APBA1: variants seen among roughly 807,000 people sequenced by gnomAD.
APBA1 encodes the protein amyloid beta precursor protein binding family A member 1, also known as amyloid-beta A4 precursor protein-binding family A member 1.
Under a neutral mutation model 86.6 loss-of-function variants are expected in APBA1, and 55 were observed. The observed-to-expected ratio is 0.64, with a 90% CI of 0.51 to 0.80. APBA1 has a LOEUF of 0.80. APBA1 is among the 30% of genes least tolerant of loss of function. The probability of loss-of-function intolerance (pLI) is 0.00; values close to 1 mark genes in which losing one functional copy is unlikely to be tolerated. For missense variants in APBA1, 1,090 were observed against 1,183.0 expected, an observed-to-expected ratio of 0.92 and a Z score of 1.15; for synonymous variants, 511 against 493.9, an observed-to-expected ratio of 1.03 and a Z score of -0.46.
At chr9:69,540,575 C>T (rs1296842038) in intron 1 of APBA1, among the ~76,000 whole-genome samples, 1 of 152,132 alleles carries the variant, frequency 6.6e-6, no homozygotes. Flanking sequence ...CTACTCTCTG[C>T]TTAGGTACAT....
Position 69,516,492 on chromosome 9 carries a change from TCGTCGTAATGGTGCAGCCGCGCG to T in APBA1, c.696_718del (p.Arg234LeufsTer54). 1 of 1,599,188 alleles carries T rather than the reference TCGTCGTAATGGTGCAGCCGCGCG, an allele frequency of 6.3e-7. No homozygotes were observed. The highest frequency in any genetic ancestry group is 8.5e-7 in the Non-Finnish European group (1 of 1,178,190). On this transcript the variant is annotated frameshift_variant, in exon 2 of 13. Transcript: ENST00000265381. LOFTEE classifies it high-confidence loss of function. This position sits in a 1 kb window ranked among gnomAD's most constrained non-coding sequence, Gnocchi z 7.3. ...GCTGTCGGACTCGCCGTCGGAGCGC[TCGTCGTAATGGTGCAGCCGCGCG>T]CCCAGGGCCTCCTGGCGGTACGCGG...
chr9:69,456,996 C>T, intron 7 of APBA1, 57 bp downstream of exon 7: 1 of 1,428,942 alleles, frequency 7.0e-7, no homozygotes, highest in Admixed American at 1.7e-5. Context: ...ACACATGCAT[C>T]TCTGAGTTAC....
intron 1 of APBA1, among the ~76,000 whole-genome samples, chr9:69,648,332 C>T (rs1046626313): frequency 3.3e-5 from 5 of 152,152 alleles, no homozygotes; most frequent in Non-Finnish European, 5.9e-5. Flanking sequence ...TTGAATAAGC[C>T]ACCCTGATAC....
At chr9:69,491,087 C>T (rs1003236643) in intron 2 of APBA1, among the ~76,000 whole-genome samples, 10 of 152,108 alleles carry the variant, frequency 6.6e-5, no homozygotes, top group Non-Finnish European at 1.3e-4. Flanking sequence ...CCATTTGACC[C>T]AGCCATCCCA....
intron 2 of APBA1, among the ~76,000 whole-genome samples, chr9:69,500,338 T>A (rs1835862540): frequency 6.6e-6 from 1 of 152,156 alleles, no homozygotes; most frequent in Non-Finnish European, 1.5e-5. Flanking sequence ...GTGATTCTTG[T>A]TTCACATTTC....
At chr9:69,562,883 A>C (rs1475934689) in intron 1 of APBA1, among the ~76,000 whole-genome samples, 2 of 152,348 alleles carry the variant, frequency 1.3e-5, no homozygotes, top group East Asian at 3.9e-4. Context: ...AAACAATTTG[A>C]CAAAACAGTA....
chr9:69,640,358 A>G (rs1823262770), intron 1 of APBA1, among the ~76,000 whole-genome samples: 1 of 152,162 alleles, frequency 6.6e-6, no homozygotes, highest in African/African-American at 2.4e-5. Flanking sequence ...TAGGACACGA[A>G]TGCTCATCTG....
chr9:69,553,536 A>G (rs1836819948), intron 1 of APBA1, among the ~76,000 whole-genome samples: 1 of 152,218 alleles, frequency 6.6e-6, no homozygotes, highest in African/African-American at 2.4e-5. Context: ...ATGTCATTGT[A>G]TCTATCAGTA....
At position 69,611,519 on chromosome 9, in the gene APBA1, G is replaced by C. The variant is rs2073807391; in HGVS notation, c.-70+60634C>G. On this transcript the variant is annotated intron_variant, in intron 1 of 12. Transcript: ENST00000265381. ...TGAAACTGAAAAAAGGGGGTGGTGG[G>C]AAGTTAAAAGATTTTTTAAAAACCA... Among the ~76,000 whole-genome samples, 5 of 152,246 alleles carry C rather than the reference G, an allele frequency of 3.3e-5. No homozygotes were observed. In the South Asian group the frequency reaches 1.0e-3, roughly 32 times the overall value.
intron 1 of APBA1, among the ~76,000 whole-genome samples, chr9:69,663,868 G>C (rs1823798844): frequency 6.6e-6 from 1 of 152,150 alleles, no homozygotes; most frequent in Admixed American, 6.5e-5. Flanking sequence ...TCAGAAAAGA[G>C]AAAGTTGCCT....
intron 1 of APBA1, among the ~76,000 whole-genome samples, chr9:69,535,899 G>A (rs2133911811): frequency 6.6e-6 from 1 of 152,182 alleles, no homozygotes; most frequent in East Asian, 1.9e-4. Context: ...TTTGTTTGAA[G>A]TGTCCTGGTT....
intron 2 of APBA1, among the ~76,000 whole-genome samples, chr9:69,482,978 G>A (rs1442242966): frequency 9.0e-6 from 1 of 110,892 alleles, no homozygotes; most frequent in East Asian, 3.3e-4. Flanking sequence ...GTGGGGTGGG[G>A]GGAGGGGGGA....
intron 2 of APBA1, among the ~76,000 whole-genome samples, chr9:69,490,888 C>A (rs960609506): frequency 4.6e-5 from 7 of 152,226 alleles, no homozygotes; most frequent in South Asian, 2.1e-4. Context: ...AGAAATGCAA[C>A]TCAAAACCAC....
intron 1 of APBA1, among the ~76,000 whole-genome samples, chr9:69,632,257 G>T (rs1823062722): frequency 3.3e-5 from 5 of 151,992 alleles, no homozygotes; most frequent in Admixed American, 3.3e-4. Flanking sequence ...GTTGGAAAGA[G>T]ATTTCAAACA....
intron 1 of APBA1, among the ~76,000 whole-genome samples, chr9:69,603,255 A>C (rs1822391002): frequency 6.6e-6 from 1 of 152,266 alleles, no homozygotes; most frequent in Admixed American, 6.5e-5. Context: ...ACCGTCATCC[A>C]AAATGGCAGG....
In APBA1 at chr9:69,607,331, T is replaced by C. The variant is rs117188105; in HGVS notation, c.-70+64822A>G. 2.0e-3 allele frequency among the ~76,000 whole-genome samples: 306 copies of C among 152,262 alleles called. 4 individuals are homozygous for C. In the East Asian group the frequency reaches 0.028, roughly 14 times the overall value. The stretch of plus-strand genomic sequence containing the variant: ...AACTCCCTTTTATCAAACCGTCAGA[T>C]CTTGTGAGACTTATTCACTATCATG... On this transcript the variant is annotated intron_variant, in intron 1 of 12. Transcript: ENST00000265381.
chr9:69,451,522 T>C (rs1411449191), intron 9 of APBA1, among the ~76,000 whole-genome samples: 1 of 152,120 alleles, frequency 6.6e-6, no homozygotes, highest in Non-Finnish European at 1.5e-5. Context: ...AGCCAAACCG[T>C]ATTTCCTCAT....
intron 2 of APBA1, among the ~76,000 whole-genome samples, chr9:69,485,730 C>T (rs1365044965): frequency 1.3e-5 from 2 of 152,064 alleles, no homozygotes; most frequent in Non-Finnish European, 2.9e-5. Flanking sequence ...TCTCCTTAAG[C>T]TAACAACTCA....
chr9:69,552,440 C>T (rs1836800550), intron 1 of APBA1, among the ~76,000 whole-genome samples: 1 of 152,236 alleles, frequency 6.6e-6, no homozygotes, highest in South Asian at 2.1e-4. Flanking sequence ...TGCACACTCA[C>T]ATTCATCTCT....
Sources: allele counts gnomAD v4.1 joint callset (sites outside exome capture counted in the v4.1 genomes callset), GRCh38; gene constraint gnomAD v4.1.1; non-coding constraint Gnocchi (gnomAD v3.1); transcripts MANE v1.5; gene names NCBI Gene and HGNC (gene_info 2026-07-23, HGNC 2026-07-21).